The following FNDC3B variants were observed in gnomAD, a reference collection of about 807,000 sequenced individuals.
The protein encoded by FNDC3B is fibronectin type III domain-containing protein 3B.
FNDC3B carries 12 observed loss-of-function variants against 151.5 expected under a neutral mutation model. The observed-to-expected ratio is 0.08, with a 90% CI of 0.05 to 0.13. The LOEUF is 0.13. Among genes scored for constraint, FNDC3B ranks in the 10% least tolerant of loss-of-function variants. The pLI is 1.00. For missense variants in FNDC3B, 1,214 were observed against 1,505.3 expected (o/e 0.81, Z 3.20); for synonymous variants, 528 against 549.0 (o/e 0.96, Z 0.54).
At chr3:172,166,430 C>G (rs763000779) in intron 3 of FNDC3B, among the ~76,000 whole-genome samples, 22 of 152,142 alleles carry the variant, frequency 1.4e-4, no homozygotes, top group Non-Finnish European at 2.6e-4. Context: ...TTGAAATGCT[C>G]CTTACCATTA....
chr3:172,257,048 T>G (rs13080090), intron 6 of FNDC3B, among the ~76,000 whole-genome samples: 16,944 of 152,028 alleles, frequency 0.11, 1,279 homozygotes, highest in East Asian at 0.3. Flanking sequence ...TCTCCTGGGA[T>G]TACAGGCACC....
chr3:172,320,370 A>G (rs772637789), intron 11 of FNDC3B, among the ~76,000 whole-genome samples: 56 of 151,986 alleles, frequency 3.7e-4, no homozygotes, highest in Non-Finnish European at 7.4e-4. Context: ...ACAGGGTGAG[A>G]CTCTGACTCA....
intron 22 of FNDC3B, among the ~76,000 whole-genome samples, chr3:172,358,018 G>A (rs1197361152): frequency 6.6e-6 from 1 of 152,164 alleles, no homozygotes; most frequent in Non-Finnish European, 1.5e-5. Flanking sequence ...AATTAAAAAT[G>A]GTCATTTGGT....
intron 3 of FNDC3B, among the ~76,000 whole-genome samples, chr3:172,188,081 C>A (rs563841925): frequency 6.7e-6 from 1 of 150,014 alleles, no homozygotes; most frequent in Admixed American, 6.6e-5. Context: ...CTGCAACCTC[C>A]GCCTCCCAGG....
At chr3:172,208,897 G>C (rs373031105) in intron 3 of FNDC3B, among the ~76,000 whole-genome samples, 1 of 152,140 alleles carries the variant, frequency 6.6e-6, no homozygotes, top group East Asian at 1.9e-4. Context: ...ATAGGTGCTG[G>C]CTCCGTGCAA....
At chr3:172,041,800 C>T (rs1025901913) in intron 1 of FNDC3B, among the ~76,000 whole-genome samples, 11 of 152,184 alleles carry the variant, frequency 7.2e-5, no homozygotes, top group African/African-American at 2.2e-4. Context: ...CCTTGGTTCC[C>T]CCTCATTGGA....
At chr3:172,329,199 C>A in intron 12 of FNDC3B, 123 bp downstream of exon 12, 3 of 1,166,368 alleles carry the variant, frequency 2.6e-6, no homozygotes, top group Non-Finnish European at 3.7e-6. Context: ...GGAGGTTTTC[C>A]AAGAGGGAAT....
At chr3:172,375,003 A>C (rs367830014) in intron 23 of FNDC3B, among the ~76,000 whole-genome samples, 1,894 of 15,066 alleles carry the variant, frequency 0.13, 36 homozygotes, top group Middle Eastern at 0.21. Context: ...TGATTTTCAT[A>C]GTATAAAAAT....
At chr3:172,290,726 C>T (rs1000471344) in intron 7 of FNDC3B, among the ~76,000 whole-genome samples, 2 of 152,192 alleles carry the variant, frequency 1.3e-5, no homozygotes, top group Admixed American at 6.5e-5. Context: ...CATCTGGGAG[C>T]AGATAGGCGG....
In FNDC3B at chr3:172,122,252, A is replaced by G. The variant is rs576196272; in HGVS notation, c.111+9662A>G. Among the ~76,000 whole-genome samples the G allele has an allele frequency of 5.9e-5, 9 of 151,886 alleles. No individual in the cohort carries two copies. The East Asian group carries it at 1.8e-3, about 30-fold the overall frequency. ...CGTAAAATTCGTAACATTAATCTCC[A>G]AGTTCCAAATGCAGATACTCATTCT... On this transcript the variant is annotated intron_variant, in intron 2 of 25. Transcript: ENST00000415807.
intron 25 of FNDC3B, among the ~76,000 whole-genome samples, chr3:172,385,816 C>G (rs1432644065): frequency 2.0e-5 from 3 of 152,174 alleles, no homozygotes; most frequent in African/African-American, 7.2e-5. Flanking sequence ...CCTCAGCCTC[C>G]CAAAGTGCTG....
At chr3:172,291,558 A>G (rs557349478) in intron 7 of FNDC3B, among the ~76,000 whole-genome samples, 8 of 152,386 alleles carry the variant, frequency 5.2e-5, no homozygotes, top group African/African-American at 7.2e-5. Context: ...AATAATTCAT[A>G]TGCAAATGTA....
chr3:172,057,022 C>G (rs1290994253), intron 1 of FNDC3B, among the ~76,000 whole-genome samples: 6 of 152,184 alleles, frequency 3.9e-5, no homozygotes, highest in Admixed American at 3.9e-4. Flanking sequence ...GCTACTTCTA[C>G]CAATATTTTT....
intron 3 of FNDC3B, among the ~76,000 whole-genome samples, chr3:172,213,616 T>A (rs970037266): frequency 1.3e-5 from 2 of 152,232 alleles, no homozygotes; most frequent in Non-Finnish European, 2.9e-5. Context: ...GATAGTACTA[T>A]ATGCAAAACT....
chr3:172,355,930 A>G (rs1260515098), intron 22 of FNDC3B, among the ~76,000 whole-genome samples: 3 of 152,208 alleles, frequency 2.0e-5, no homozygotes, highest in African/African-American at 4.8e-5. Context: ...CTTGTTCTCC[A>G]TACTGAGCAG....
intron 3 of FNDC3B, among the ~76,000 whole-genome samples, chr3:172,226,181 T>G (rs62281781): frequency 0.029 from 4,444 of 151,800 alleles, 105 homozygotes; most frequent in Admixed American, 0.054. Context: ...GGCGGGCACC[T>G]GTAATTCCAG....
chr3:172,210,826 A>G (rs1725697868), intron 3 of FNDC3B, among the ~76,000 whole-genome samples: 1 of 152,244 alleles, frequency 6.6e-6, no homozygotes, highest in Admixed American at 6.5e-5. Context: ...GAATTAGCTC[A>G]GCTTAGAAGT....
chr3:172,160,565 G>A (rs1243178786), intron 3 of FNDC3B, among the ~76,000 whole-genome samples: 1 of 152,196 alleles, frequency 6.6e-6, no homozygotes, highest in Non-Finnish European at 1.5e-5. Flanking sequence ...TTTTAGAGTT[G>A]CCCTGGAACA....
At chr3:172,235,583 T>C (rs1727112634) in intron 4 of FNDC3B, among the ~76,000 whole-genome samples, 1 of 152,174 alleles carries the variant, frequency 6.6e-6, no homozygotes, top group Non-Finnish European at 1.5e-5. Context: ...AGTACAGTAG[T>C]AGAAAGAGCA....
Sources: allele counts gnomAD v4.1 joint callset (sites outside exome capture counted in the v4.1 genomes callset), GRCh38; gene constraint gnomAD v4.1.1; transcripts MANE v1.5; gene names NCBI Gene and HGNC (gene_info 2026-07-23, HGNC 2026-07-21).